PDE4D: variants seen among roughly 807,000 people sequenced by gnomAD.
PDE4D encodes 3',5'-cyclic-AMP phosphodiesterase 4D.
Under a neutral mutation model 87.4 loss-of-function variants are expected in PDE4D, and 24 were observed. The observed-to-expected ratio is 0.27, with a 90% CI of 0.20 to 0.39. The LOEUF (loss-of-function observed/expected upper bound fraction) is 0.39, where lower values mean the gene tolerates loss of function less well. Ranked by LOEUF, PDE4D falls within the 10% of genes least tolerant of loss-of-function variation. PDE4D has a pLI of 1.00. For synonymous variants in PDE4D, 384 were observed against 383.2 expected (o/e 1.00, Z -0.02); for missense variants, 714 against 1,041.0 (o/e 0.69, Z 4.32).
intron 1 of PDE4D, among the ~76,000 whole-genome samples, chr5:60,226,248 G>A (rs1009027139): frequency 6.6e-6 from 1 of 152,106 alleles, no homozygotes; most frequent in African/African-American, 2.4e-5. Flanking sequence ...ACTGTGCTAA[G>A]AAATCTTTCT....
At chr5:59,311,107 G>T (rs1330909420) in intron 1 of PDE4D, among the ~76,000 whole-genome samples, 1 of 152,134 alleles carries the variant, frequency 6.6e-6, no homozygotes, top group Admixed American at 6.6e-5. Flanking sequence ...GATGAAGGCT[G>T]GTCCTGGAGG....
At chr5:59,815,611 A>T (rs370731953) in intron 1 of PDE4D, among the ~76,000 whole-genome samples, 9 of 152,224 alleles carry the variant, frequency 5.9e-5, no homozygotes, top group African/African-American at 2.2e-4. Context: ...TCCAGCTGAG[A>T]CTAGTGCCAT....
Position 60,102,868 on chromosome 5 carries a change from G to A in PDE4D, c.42+82689C>T, listed in dbSNP as rs561769872. On this transcript the variant is annotated intron_variant, in intron 2 of 16. Transcript: ENST00000502484. ...ATATATTCATTGTAAACAGTCAACT[G>A]AATACCAGTGTTCTACAATCCTGCC... 4.6e-5 allele frequency among the ~76,000 whole-genome samples: 7 copies of A among 151,684 alleles called. No individual in the cohort carries two copies. In the South Asian group the frequency reaches 1.5e-3, roughly 32 times the overall value.
chr5:59,241,361 T>G (rs1475820483), intron 1 of PDE4D, among the ~76,000 whole-genome samples: 1 of 152,214 alleles, frequency 6.6e-6, no homozygotes, highest in Non-Finnish European at 1.5e-5. Flanking sequence ...GTACCAGCCA[T>G]GGCTGAGAAC....
chr5:59,480,474 C>T (rs760999778), intron 1 of PDE4D, among the ~76,000 whole-genome samples: 1 of 152,128 alleles, frequency 6.6e-6, no homozygotes, highest in East Asian at 1.9e-4. Context: ...CTATTTCCCA[C>T]TACCACCCAA....
Position 59,763,271 on chromosome 5 carries a change from A to G in PDE4D, c.455+129897T>C, listed in dbSNP as rs530522301. ...GCACACCAGCATGGCACATGTATAC[A>G]TATGTAACTAACCTGCACATTGTGC... On this transcript the variant is annotated intron_variant, in intron 1 of 14. Coordinates refer to ENST00000340635, the MANE Select transcript of PDE4D (RefSeq NM_001104631.2). 9.9e-5 allele frequency among the ~76,000 whole-genome samples: 15 copies of G among 151,996 alleles called. No individual in the cohort carries two copies. In the South Asian group the frequency reaches 2.9e-3, roughly 29 times the overall value.
At chr5:59,410,195 CTT>C (rs1792403979) in intron 1 of PDE4D, among the ~76,000 whole-genome samples, 1 of 152,076 alleles carries the variant, frequency 6.6e-6, no homozygotes, top group Non-Finnish European at 1.5e-5. Flanking sequence ...CCTTCCCACT[CTT>C]TGATAAATGG....
chr5:59,940,294 A>T (rs1757045277), intron 3 of PDE4D, among the ~76,000 whole-genome samples: 1 of 152,146 alleles, frequency 6.6e-6, no homozygotes, highest in Non-Finnish European at 1.5e-5. Context: ...CCATGATTAG[A>T]TTTGAATTTC....
intron 1 of PDE4D, among the ~76,000 whole-genome samples, chr5:59,877,951 C>T (rs932589822): frequency 7.9e-5 from 12 of 152,214 alleles, no homozygotes; most frequent in African/African-American, 1.7e-4. Flanking sequence ...CAAACATCCA[C>T]ACATCAGTGT....
At chr5:59,416,524 C>T (rs1793643096) in intron 1 of PDE4D, among the ~76,000 whole-genome samples, 1 of 152,262 alleles carries the variant, frequency 6.6e-6, no homozygotes, top group African/African-American at 2.4e-5. Context: ...AGGTGGACAA[C>T]TTCAATTGAA....
chr5:59,654,850 A>T (rs1447908084), intron 1 of PDE4D, among the ~76,000 whole-genome samples: 1 of 152,128 alleles, frequency 6.6e-6, no homozygotes, highest in Non-Finnish European at 1.5e-5. Context: ...TTCATTTAGC[A>T]TAATGTTTTC....
At chr5:59,762,345 T>C (rs975611704) in intron 1 of PDE4D, among the ~76,000 whole-genome samples, 2 of 134,596 alleles carry the variant, frequency 1.5e-5, no homozygotes, top group Non-Finnish European at 3.1e-5. Context: ...TGGGTACACA[T>C]ATGCATATAT....
intron 2 of PDE4D, among the ~76,000 whole-genome samples, chr5:60,081,824 T>C (rs1773988895): frequency 6.6e-6 from 1 of 152,192 alleles, no homozygotes; most frequent in South Asian, 2.1e-4. Flanking sequence ...ATTAGTCTGA[T>C]GGGCTTCCCT....
At chr5:59,429,842 T>C (rs760290234) in intron 1 of PDE4D, among the ~76,000 whole-genome samples, 4 of 152,178 alleles carry the variant, frequency 2.6e-5, no homozygotes, top group Non-Finnish European at 4.4e-5. Context: ...CTTCCCTCCC[T>C]AGCAACTACA....
chr5:59,365,290 C>G (rs571979375), intron 1 of PDE4D, among the ~76,000 whole-genome samples: 1 of 152,132 alleles, frequency 6.6e-6, no homozygotes, highest in African/African-American at 2.4e-5. Context: ...TAGATCCCAT[C>G]TCTACAAAAA....
intron 1 of PDE4D, among the ~76,000 whole-genome samples, chr5:59,291,155 C>A (rs1475004746): frequency 6.6e-6 from 1 of 152,006 alleles, no homozygotes; most frequent in Non-Finnish European, 1.5e-5. Context: ...GCACTATTAA[C>A]AATAGCCAGG....
At chr5:60,107,136 G>GATGCA (rs1777051961) in intron 2 of PDE4D, among the ~76,000 whole-genome samples, 1 of 152,100 alleles carries the variant, frequency 6.6e-6, no homozygotes, top group Admixed American at 6.5e-5. Context: ...AAAAAAGAGA[G>GATGCA]AAGAATCAAA....
At chr5:59,825,209 A>G (rs1462040728) in intron 1 of PDE4D, among the ~76,000 whole-genome samples, 1 of 152,188 alleles carries the variant, frequency 6.6e-6, no homozygotes, top group Admixed American at 6.5e-5. Flanking sequence ...TTAAGCATAC[A>G]AAAGCATCCA....
intron 1 of PDE4D, among the ~76,000 whole-genome samples, chr5:60,345,163 G>A (rs1758641761): frequency 6.6e-6 from 1 of 151,920 alleles, no homozygotes; most frequent in Admixed American, 6.6e-5. Context: ...GGATGAAGCT[G>A]GAAACCATCA....
Sources: gnomAD v4.1 joint callset for allele counts (sites outside exome capture counted in the v4.1 genomes callset) on GRCh38, gnomAD v4.1.1 for gene constraint, MANE v1.5 for transcripts, NCBI Gene and HGNC (gene_info 2026-07-23, HGNC 2026-07-21) for gene names.